Variants in MIPEP observed in about 807,000 individuals in gnomAD.
MIPEP encodes mitochondrial intermediate peptidase.
Under a neutral mutation model 90.3 loss-of-function variants are expected in MIPEP, and 79 were observed. The observed-to-expected ratio is 0.87, with a 90% CI of 0.73 to 1.05. The LOEUF (loss-of-function observed/expected upper bound fraction) is 1.05, where lower values mean the gene tolerates loss of function less well. Among genes scored for constraint, MIPEP ranks in the 50% least tolerant of loss-of-function variants. MIPEP has a pLI of 0.00. For missense variants in MIPEP, 940 were observed against 905.6 expected (o/e 1.04, Z -0.49); for synonymous variants, 334 against 315.8 (o/e 1.06, Z -0.61).
At chr13:23,780,942 TA>T (rs1952775830) in intron 16 of MIPEP, among the ~76,000 whole-genome samples, 1 of 151,924 alleles carries the variant, frequency 6.6e-6, no homozygotes, top group Non-Finnish European at 1.5e-5. Context: ...CTCCAAGAAA[TA>T]AGGGACTATG....
chr13:23,883,529 C>T (rs1871349573), intron 2 of MIPEP, among the ~76,000 whole-genome samples: 1 of 152,148 alleles, frequency 6.6e-6, no homozygotes, highest in Non-Finnish European at 1.5e-5. Flanking sequence ...AACCGACACA[C>T]AGCACACCCC....
chr13:23,800,191 C>A (rs958076504), intron 16 of MIPEP, among the ~76,000 whole-genome samples: 3 of 152,152 alleles, frequency 2.0e-5, no homozygotes, highest in East Asian at 3.8e-4. Flanking sequence ...TTGAAAAATA[C>A]ACATTAGAAC....
At chr13:23,820,116 T>A (rs1953288208) in intron 14 of MIPEP, among the ~76,000 whole-genome samples, 1 of 152,164 alleles carries the variant, frequency 6.6e-6, no homozygotes, top group African/African-American at 2.4e-5. Flanking sequence ...ATTTAAAAAA[T>A]GGGTTAAGTG....
intron 16 of MIPEP, among the ~76,000 whole-genome samples, chr13:23,764,278 A>C (rs1316581531): frequency 6.6e-6 from 1 of 152,170 alleles, no homozygotes; most frequent in African/African-American, 2.4e-5. Context: ...ACGAAAGACA[A>C]AACTTGGAGC....
chr13:23,837,429 G>T, intron 13 of MIPEP, 123 bp downstream of exon 13: 1 of 743,180 alleles, frequency 1.3e-6, no homozygotes, highest in Non-Finnish European at 2.2e-6. Context: ...GGCAATCTGA[G>T]ATAAAGACCA....
chr13:23,853,740 G>GT (rs1869910738), intron 10 of MIPEP, among the ~76,000 whole-genome samples: 1 of 151,808 alleles, frequency 6.6e-6, no homozygotes, highest in South Asian at 2.1e-4. Context: ...TTTTGTTGTT[G>GT]TATTTTTAGT....
intron 18 of MIPEP, among the ~76,000 whole-genome samples, chr13:23,740,957 G>T (rs1952320965): frequency 6.6e-6 from 1 of 152,204 alleles, no homozygotes; most frequent in South Asian, 2.1e-4. Flanking sequence ...GGTGTCCAAG[G>T]CTGCCCAGGA....
At chr13:23,822,809 T>C (rs888509330) in intron 14 of MIPEP, among the ~76,000 whole-genome samples, 15 of 151,886 alleles carry the variant, frequency 9.9e-5, no homozygotes, top group Non-Finnish European at 1.6e-4. Context: ...TTTTTTTTTT[T>C]CCTAAATATG....
intron 16 of MIPEP, among the ~76,000 whole-genome samples, chr13:23,769,230 G>C (rs1023803971): frequency 1.3e-5 from 2 of 152,172 alleles, no homozygotes; most frequent in Admixed American, 6.5e-5. Flanking sequence ...GGACAGCAAC[G>C]GGGCCTCTGT....
chr13:23,839,966 C>T (rs1428885558), intron 11 of MIPEP, among the ~76,000 whole-genome samples: 5 of 152,194 alleles, frequency 3.3e-5, no homozygotes, highest in Non-Finnish European at 7.3e-5. Flanking sequence ...CTCATGAGGG[C>T]CTTTTGTCCT....
chr13:23,796,996 C>T (rs936850790), intron 16 of MIPEP, among the ~76,000 whole-genome samples: 1 of 152,182 alleles, frequency 6.6e-6, no homozygotes, highest in African/African-American at 2.4e-5. Context: ...CACTATACAG[C>T]CAATGTAACC....
rs777323768 is a variant in MIPEP at position 23,881,774 on chromosome 13, T to C, written c.377A>G (p.Lys126Arg). 6.2e-6 allele frequency: 10 copies of C among 1,613,572 alleles called. No individual in the cohort carries two copies. The highest frequency in any genetic ancestry group is 8.5e-6 in the Non-Finnish European group (10 of 1,179,734). The change falls in exon 3 of 19, where the codon AAA becomes AGA. Residue 126 changes from lysine to arginine, a missense_variant. By Grantham distance (26) the Lys-to-Arg change is conservative. Coordinates refer to ENST00000382172, the MANE Select transcript of MIPEP (RefSeq NM_005932.4). ...CRVADLADFV[K>R]IAHPEPAFRE... ...GAATGCTGGCTCAGGGTGAGCGATT[T>C]TCACAAAATCAGCCTAATAAAGGGG...
At chr13:23,871,605 A>C (rs1287469228) in intron 5 of MIPEP, among the ~76,000 whole-genome samples, 1 of 152,248 alleles carries the variant, frequency 6.6e-6, no homozygotes, top group Non-Finnish European at 1.5e-5. Context: ...GCTCCTAAAA[A>C]ATGATTAAGC....
At chr13:23,868,883 A>G (rs938320112) in intron 7 of MIPEP, among the ~76,000 whole-genome samples, 1 of 152,198 alleles carries the variant, frequency 6.6e-6, no homozygotes, top group African/African-American at 2.4e-5. Flanking sequence ...CTCTCTGAAA[A>G]GGAGGCTTAT....
intron 14 of MIPEP, among the ~76,000 whole-genome samples, chr13:23,822,648 G>A (rs1374635972): frequency 2.0e-5 from 3 of 152,190 alleles, no homozygotes; most frequent in Admixed American, 1.3e-4. Context: ...ACACAGCTGT[G>A]CAAGAGAGGA....
intron 1 of MIPEP, 109 bp from the exon 2 acceptor site, chr13:23,886,615 G>A: frequency 1.2e-6 from 1 of 857,636 alleles, no homozygotes; most frequent in Non-Finnish European, 1.7e-6. Flanking sequence ...TTTCATTGGT[G>A]TATCATGTTA....
chr13:23,742,123 G>A (rs1370189711), intron 18 of MIPEP, among the ~76,000 whole-genome samples: 1 of 152,204 alleles, frequency 6.6e-6, no homozygotes, highest in Non-Finnish European at 1.5e-5. Context: ...TGAATTTGGG[G>A]CTGAATGGAA....
At chr13:23,810,022 A>G (rs1433330024) in intron 14 of MIPEP, 98 bp from the exon 15 acceptor site, 4 of 651,140 alleles carry the variant, frequency 6.1e-6, no homozygotes, top group African/African-American at 1.9e-5. Flanking sequence ...CAAATGTAAC[A>G]TGAGTAATAG....
chr13:23,748,964 G>A (rs1952411390), intron 18 of MIPEP, among the ~76,000 whole-genome samples: 1 of 152,204 alleles, frequency 6.6e-6, no homozygotes, highest in Admixed American at 6.5e-5. Context: ...ACCATCCAGA[G>A]GTAGTGTGCA....
Sources: gnomAD v4.1 joint callset for allele counts (sites outside exome capture counted in the v4.1 genomes callset) on GRCh38, gnomAD v4.1.1 for gene constraint, MANE v1.5 for transcripts, NCBI Gene and HGNC (gene_info 2026-07-23, HGNC 2026-07-21) for gene names.